Variants in LRRTM3 observed in about 807,000 individuals in gnomAD.
The protein encoded by LRRTM3 is leucine rich repeat transmembrane neuronal 3, also known as leucine-rich repeat transmembrane neuronal protein 3.
LRRTM3 carries 24 observed loss-of-function variants against 44.7 expected under a neutral mutation model. The ratio of observed to expected loss-of-function variants is 0.54; its 90% confidence interval spans 0.39 to 0.76. The LOEUF (loss-of-function observed/expected upper bound fraction) is 0.76, where lower values mean the gene tolerates loss of function less well. LRRTM3 is among the 30% of genes least tolerant of loss of function. LRRTM3 has a pLI of 0.00. For synonymous variants in LRRTM3, 277 were observed against 278.7 expected, an observed-to-expected ratio of 0.99 and a Z score of 0.06; for missense variants, 587 against 702.2, an observed-to-expected ratio of 0.84 and a Z score of 1.85.
chr10:67,008,756 T>C (rs1175740136), intron 2 of LRRTM3, among the ~76,000 whole-genome samples: 1 of 152,162 alleles, frequency 6.6e-6, no homozygotes, highest in East Asian at 1.9e-4. Flanking sequence ...TATTCACAAG[T>C]GGTAGCCTCA....
At chr10:66,999,547 T>C (rs1032201169) in intron 2 of LRRTM3, among the ~76,000 whole-genome samples, 11 of 152,114 alleles carry the variant, frequency 7.2e-5, no homozygotes, top group African/African-American at 2.4e-4. Context: ...TTTCTAACTA[T>C]AGAGGTGATC....
At chr10:66,983,872 T>C (rs1850584227) in intron 2 of LRRTM3, among the ~76,000 whole-genome samples, 1 of 152,226 alleles carries the variant, frequency 6.6e-6, no homozygotes, top group Non-Finnish European at 1.5e-5. Context: ...ATAGCTAATG[T>C]TTTAGCACTT....
chr10:66,970,781 T>G (rs1849676474), intron 2 of LRRTM3, among the ~76,000 whole-genome samples: 1 of 152,122 alleles, frequency 6.6e-6, no homozygotes, highest in Non-Finnish European at 1.5e-5. Flanking sequence ...GCCCAAGTGA[T>G]ATTTGAATTA....
intron 2 of LRRTM3, among the ~76,000 whole-genome samples, chr10:66,980,687 C>T (rs1279078196): frequency 1.3e-5 from 2 of 152,142 alleles, no homozygotes; most frequent in African/African-American, 4.8e-5. Context: ...GTTTTCAGTA[C>T]AAAATTGTGC....
intron 2 of LRRTM3, among the ~76,000 whole-genome samples, chr10:67,075,562 A>G (rs1187483022): frequency 6.6e-6 from 1 of 152,200 alleles, no homozygotes; most frequent in Non-Finnish European, 1.5e-5. Context: ...GCCAATGTTT[A>G]ACATTTTCTC....
intron 2 of LRRTM3, among the ~76,000 whole-genome samples, chr10:66,973,229 T>C (rs1307726157): frequency 1.3e-5 from 2 of 152,186 alleles, no homozygotes; most frequent in South Asian, 2.1e-4. Context: ...CAGTTTCCAA[T>C]TGAAATAAAA....
At chr10:67,028,571 C>T (rs1853529170) in intron 2 of LRRTM3, among the ~76,000 whole-genome samples, 1 of 148,744 alleles carries the variant, frequency 6.7e-6, no homozygotes, top group Admixed American at 6.8e-5. Flanking sequence ...GTAGTTATGT[C>T]AAACAGCATG....
At chr10:67,008,342 T>C (rs1169950485) in intron 2 of LRRTM3, among the ~76,000 whole-genome samples, 1 of 152,212 alleles carries the variant, frequency 6.6e-6, no homozygotes, top group African/African-American at 2.4e-5. Context: ...TTTTTAATTT[T>C]CGTTCTGAAT....
intron 2 of LRRTM3, among the ~76,000 whole-genome samples, chr10:67,079,859 ACACACAC>A (rs1388236141): frequency 6.3e-4 from 2 of 3,152 alleles, no homozygotes; most frequent in Non-Finnish European, 9.4e-4. Flanking sequence ...AAAAAACAAA[ACACACAC>A]ACACACACAC....
At chr10:67,010,347 T>C (rs1852240797) in intron 2 of LRRTM3, among the ~76,000 whole-genome samples, 1 of 152,208 alleles carries the variant, frequency 6.6e-6, no homozygotes, top group Admixed American at 6.5e-5. Context: ...GTTTTAAAAT[T>C]GTTTTAAAAT....
chr10:66,988,387 C>T (rs150844182), intron 2 of LRRTM3, among the ~76,000 whole-genome samples: 1 of 152,092 alleles, frequency 6.6e-6, no homozygotes, highest in African/African-American at 2.4e-5. Context: ...TAAGCCAATA[C>T]AATGATTTTC....
chr10:67,097,535 TAA>T, intron 2 of LRRTM3, 50 bp from the exon 3 acceptor site: 1 of 1,519,810 alleles, frequency 6.6e-7, no homozygotes, highest in Non-Finnish European at 9.1e-7. Flanking sequence ...ATCTTTCCCC[TAA>T]AGTTGTCCAT....
At chr10:67,044,110 C>A (rs1854578197) in intron 2 of LRRTM3, among the ~76,000 whole-genome samples, 1 of 151,888 alleles carries the variant, frequency 6.6e-6, no homozygotes, top group Non-Finnish European at 1.5e-5. Flanking sequence ...TTCCCCCCAA[C>A]TAGTCGCCAG....
At chr10:67,032,957 C>T (rs1853826094) in intron 2 of LRRTM3, among the ~76,000 whole-genome samples, 1 of 152,102 alleles carries the variant, frequency 6.6e-6, no homozygotes, top group South Asian at 2.1e-4. Context: ...TTCAGAATGG[C>T]TGGCTTTTGA....
At chr10:67,015,698 T>C (rs1386603029) in intron 2 of LRRTM3, among the ~76,000 whole-genome samples, 1 of 152,078 alleles carries the variant, frequency 6.6e-6, no homozygotes, top group Non-Finnish European at 1.5e-5. Flanking sequence ...TTCAAATCTT[T>C]GTAACAATTT....
At chr10:67,084,388 T>C (rs1000428392) in intron 2 of LRRTM3, among the ~76,000 whole-genome samples, 2 of 151,986 alleles carry the variant, frequency 1.3e-5, no homozygotes, top group Non-Finnish European at 2.9e-5. Context: ...TATTATCTAA[T>C]TGACTATCAC....
chr10:66,977,967 T>A (rs556465747), intron 2 of LRRTM3, among the ~76,000 whole-genome samples: 1 of 152,134 alleles, frequency 6.6e-6, no homozygotes, highest in Non-Finnish European at 1.5e-5. Context: ...TAGTCAAACT[T>A]TTATTCCTAA....
rs1023505803 is a variant in LRRTM3 at position 67,008,807 on chromosome 10, T to C, written c.1536+80355T>C. On this transcript the variant is annotated intron_variant, in intron 2 of 2. Transcript: ENST00000361320. Reference sequence around the variant, plus strand: ...AAATAAGACAGAAGGCCCCAGTGCATAAGAATCTTTTTAAGTCTTTGTTTA... The same window carrying C: ...AAATAAGACAGAAGGCCCCAGTGCACAAGAATCTTTTTAAGTCTTTGTTTA... 2.6e-5 allele frequency among the ~76,000 whole-genome samples: 4 copies of C among 152,208 alleles called. No individual in the cohort carries two copies. In the East Asian group the frequency reaches 7.7e-4, roughly 29 times the overall value.
At chr10:66,962,411 T>G (rs1044941820) in intron 2 of LRRTM3, among the ~76,000 whole-genome samples, 1 of 140,192 alleles carries the variant, frequency 7.1e-6, no homozygotes, top group African/African-American at 2.8e-5. Flanking sequence ...TTTTTGTTTT[T>G]GTTTTTGTTT....
Sources: gnomAD v4.1 joint callset for allele counts (sites outside exome capture counted in the v4.1 genomes callset) on GRCh38, gnomAD v4.1.1 for gene constraint, MANE v1.5 for transcripts, NCBI Gene and HGNC (gene_info 2026-07-23, HGNC 2026-07-21) for gene names.